ARID3B: variants seen among roughly 807,000 people sequenced by gnomAD.
The protein encoded by ARID3B is AT-rich interactive domain-containing protein 3B.
Under a neutral mutation model 51.9 loss-of-function variants are expected in ARID3B, and 10 were observed. The ratio of observed to expected loss-of-function variants is 0.19; its 90% CI spans 0.12 to 0.33. The LOEUF (loss-of-function observed/expected upper bound fraction) is 0.33, where lower values mean the gene tolerates loss of function less well. Ranked by LOEUF, ARID3B falls within the 10% of genes least tolerant of loss-of-function variation. The pLI, the probability that ARID3B is intolerant of heterozygous loss-of-function variation, is 1.00. For missense variants in ARID3B, 483 were observed against 716.3 expected, an observed-to-expected ratio of 0.67 and a Z score of 3.72; for synonymous variants, 205 against 279.5, an observed-to-expected ratio of 0.73 and a Z score of 2.66.
At chr15:74,569,676 A>G (rs2061712436) in intron 2 of ARID3B, among the ~76,000 whole-genome samples, 1 of 152,166 alleles carries the variant, frequency 6.6e-6, no homozygotes. Context: ...AGGGCTGGAG[A>G]TACCCAGACG....
intron 4 of ARID3B, among the ~76,000 whole-genome samples, chr15:74,575,560 T>A (rs977663474): frequency 1.3e-5 from 2 of 152,188 alleles, no homozygotes; most frequent in Non-Finnish European, 2.9e-5. Flanking sequence ...GCCCCGTAAT[T>A]GAGAGTCAGC....
At chr15:74,587,108 C>T (rs1156660050) in intron 4 of ARID3B, among the ~76,000 whole-genome samples, 1 of 152,158 alleles carries the variant, frequency 6.6e-6, no homozygotes, top group African/African-American at 2.4e-5. Context: ...TGCGATTGGA[C>T]ATGTGAGATG....
Position 74,543,357 on chromosome 15 carries a change from C to G in ARID3B, c.-77-503C>G, listed in dbSNP as rs2061601382. On this transcript the variant is annotated intron_variant, in intron 1 of 8. Transcript: ENST00000346246. Reference sequence around the variant, plus strand: ...GAGTAAAACTGTCTGCCTGATAGTTCTGTGTCTAGCTTAGAGGTGATATCT... The same window carrying G: ...GAGTAAAACTGTCTGCCTGATAGTTGTGTGTCTAGCTTAGAGGTGATATCT... Among the ~76,000 whole-genome samples the G allele has an allele frequency of 2.6e-5, 4 of 152,162 alleles. No individual in the cohort carries two copies. The South Asian group carries it at 8.3e-4, about 31-fold the overall frequency.
chr15:74,589,776 T>C, intron 4 of ARID3B, 44 bp from the exon 5 acceptor site: 1 of 1,557,578 alleles, frequency 6.4e-7, no homozygotes, highest in Non-Finnish European at 8.8e-7. Context: ...CTTCTCAGCC[T>C]GATGATGATC....
chr15:74,597,635 C>G lies in ARID3B; in HGVS notation c.*1861C>G, dbSNP rs1596267759. 3.7e-6 allele frequency: 2 copies of G among 533,652 alleles called. No homozygotes were observed. Among genetic ancestry groups the G allele is most frequent in the East Asian group, 7.8e-5 (2 of 25,772 alleles). The allele number at this position is 533,652 out of a possible 1,614,324, so 33.1% of individuals were successfully genotyped here. A position where few individuals can be genotyped will look rare whatever the true frequency, so the allele number is the denominator to read the frequency against. ...CAGTGAGGAGCCCAGTTGGCTGGCACTGGGCCCATTTGAAGGTGTCTCAGA... is the reference window on the plus strand; with the variant it reads ...CAGTGAGGAGCCCAGTTGGCTGGCAGTGGGCCCATTTGAAGGTGTCTCAGA... On this transcript the variant is annotated 3_prime_UTR_variant, in exon 9 of 9. Transcript: ENST00000346246.
At chr15:74,568,208 G>C (rs2061706604) in intron 2 of ARID3B, among the ~76,000 whole-genome samples, 1 of 152,216 alleles carries the variant, frequency 6.6e-6, no homozygotes, top group African/African-American at 2.4e-5. Context: ...GTGAAGCCAT[G>C]AGATAAAGCA....
intron 2 of ARID3B, among the ~76,000 whole-genome samples, chr15:74,551,290 T>A (rs1019245771): frequency 4.6e-5 from 7 of 152,224 alleles, no homozygotes; most frequent in Non-Finnish European, 5.9e-5. Context: ...CTGACCACAC[T>A]CTGGTGTTCT....
At position 74,596,043 on chromosome 15, in the gene ARID3B, T is replaced by G; in HGVS notation, c.*269T>G. 2.3e-6 allele frequency: 1 copy of G among 439,128 alleles called. No individual in the cohort carries two copies. Among genetic ancestry groups the G allele is most frequent in the Non-Finnish European group, 4.0e-6 (1 of 248,310 alleles). The allele number at this position is 439,128 out of a possible 1,614,324, so 27.2% of individuals were successfully genotyped here. On this transcript the variant is annotated 3_prime_UTR_variant, in exon 9 of 9. Transcript: ENST00000346246. ...GGGGGTCTGTGGGTGTCCAGCTTCCTCCAGGGTTCCCCAGCCACCTCCCAG... is the reference window on the plus strand; with the variant it reads ...GGGGGTCTGTGGGTGTCCAGCTTCCGCCAGGGTTCCCCAGCCACCTCCCAG...
chr15:74,594,230 C>T (rs942605918), intron 8 of ARID3B, among the ~76,000 whole-genome samples: 9 of 152,116 alleles, frequency 5.9e-5, no homozygotes, highest in Non-Finnish European at 1.2e-4. Context: ...GGGTGGATCA[C>T]GAAGTCAGGA....
chr15:74,594,631 C>T (rs2061817417), intron 8 of ARID3B, among the ~76,000 whole-genome samples: 1 of 149,036 alleles, frequency 6.7e-6, no homozygotes, highest in Non-Finnish European at 1.5e-5. Flanking sequence ...TTCCTCAGGG[C>T]CTACTCCCAT....
At chr15:74,549,672 G>A (rs2061629261) in intron 2 of ARID3B, among the ~76,000 whole-genome samples, 1 of 152,108 alleles carries the variant, frequency 6.6e-6, no homozygotes, top group Non-Finnish European at 1.5e-5. Context: ...AATGTTCGTA[G>A]GCTTTCCTCA....
chr15:74,549,862 G>A (rs73434463), intron 2 of ARID3B, among the ~76,000 whole-genome samples: 1,903 of 152,306 alleles, frequency 0.012, 43 homozygotes, highest in African/African-American at 0.044. Context: ...TGGGCGTCTA[G>A]TGGGTAGACC....
chr15:74,547,164 C>T (rs1280697958), intron 2 of ARID3B, among the ~76,000 whole-genome samples: 2 of 140,466 alleles, frequency 1.4e-5, no homozygotes, highest in Non-Finnish European at 3.1e-5. Context: ...CCCCCGCCTT[C>T]CCCCTCCCCC....
intron 2 of ARID3B, among the ~76,000 whole-genome samples, chr15:74,550,704 C>T (rs1367540751): frequency 6.7e-6 from 1 of 149,918 alleles, no homozygotes; most frequent in Non-Finnish European, 1.5e-5. Flanking sequence ...GAGTGTCCAT[C>T]TCAAAAAAAA....
rs149550526 is a variant in ARID3B at position 74,589,959 on chromosome 15, C to A, written c.837C>A (p.Asn279Lys). The change falls in exon 5 of 9, where the codon AAC (asparagine) becomes AAA (lysine). Residue 279 changes from asparagine to lysine, a missense_variant. Coordinates refer to ENST00000346246, the MANE Select transcript of ARID3B (RefSeq NM_006465.4). ...GGAGGGAGATCACCAAAGGCCTAAA[C>A]CTGCCCACATCCATCACCAGCGCCG... ...KIWREITKGL[N>K]LPTSITSAAF... is the part of the protein sequence containing the mutation. The A allele has an allele frequency of 6.2e-7, 1 of 1,613,930 alleles. No homozygotes were observed. Among genetic ancestry groups the A allele is most frequent in the Non-Finnish European group, 8.5e-7 (1 of 1,179,960 alleles).
At chr15:74,576,680 T>C (rs2061739181) in intron 4 of ARID3B, among the ~76,000 whole-genome samples, 1 of 151,954 alleles carries the variant, frequency 6.6e-6, no homozygotes, top group South Asian at 2.1e-4. Flanking sequence ...AAACTTTTTA[T>C]GAAAATCATC....
intron 4 of ARID3B, among the ~76,000 whole-genome samples, chr15:74,577,311 T>TAAA (rs879589906): frequency 7.3e-6 from 1 of 137,660 alleles, no homozygotes; most frequent in African/African-American, 2.7e-5. Context: ...CCCTGTAATT[T>TAAA]AAAAAAAAAA....
At position 74,591,527 on chromosome 15, in the gene ARID3B, T is replaced by C. The variant is rs371312027; in HGVS notation, c.1166-33T>C. On this transcript the variant is annotated intron_variant, in intron 6 of 8. Transcript: ENST00000346246. The surrounding 1 kb of genome is among the most constrained non-coding windows in gnomAD (Gnocchi z 5.8). ...TGGGGTTTTGGGGCAAGAGGGTCAA[T>C]TGTGGATTGGTCCAGCTCCAGTTCC... 9.4e-6 allele frequency: 15 copies of C among 1,602,428 alleles called. No homozygotes were observed. Among genetic ancestry groups the C allele is most frequent in the Non-Finnish European group, 1.3e-5 (15 of 1,171,246 alleles).
At position 74,596,567 on chromosome 15, in the gene ARID3B, A is replaced by T. The variant is rs1216202419; in HGVS notation, c.*793A>T. ...CTGCTTTCCCAAAAACAGCCCACTCATCCTTTCCCCAGCCCTCTTCAGCCC... is the reference window on the plus strand; with the variant it reads ...CTGCTTTCCCAAAAACAGCCCACTCTTCCTTTCCCCAGCCCTCTTCAGCCC... On this transcript the variant is annotated 3_prime_UTR_variant, in exon 9 of 9. Transcript: ENST00000346246. 8.6e-6 allele frequency: 2 copies of T among 233,248 alleles called. No individual in the cohort carries two copies. The highest frequency in any genetic ancestry group is 4.4e-5 in the African/African-American group (2 of 45,218). 14.4% of individuals were successfully genotyped at this position (233,248 alleles called of 1,614,324 possible).
Sources: gnomAD v4.1 joint callset for allele counts (sites outside exome capture counted in the v4.1 genomes callset) on GRCh38, gnomAD v4.1.1 for gene constraint, Gnocchi (gnomAD v3.1) non-coding constraint, MANE v1.5 for transcripts, NCBI Gene and HGNC (gene_info 2026-07-23, HGNC 2026-07-21) for gene names.